The following DACH2 variants were observed in gnomAD, a reference collection of about 807,000 sequenced individuals.
DACH2 encodes the protein dachshund homolog 2.
In DACH2, 17 loss-of-function variants were observed where a neutral mutation model predicts 35.8. The ratio of observed to expected loss-of-function variants is 0.48; its 90% CI spans 0.33 to 0.71. The LOEUF (loss-of-function observed/expected upper bound fraction) is 0.71, where lower values mean the gene tolerates loss of function less well. DACH2 is among the 30% of genes least tolerant of loss of function. The pLI is 0.02. For synonymous variants in DACH2, 195 were observed against 177.3 expected (o/e 1.10, Z -0.79); for missense variants, 469 against 472.7 (o/e 0.99, Z 0.07).
At chrX:86,290,774 T>G (rs2034269553) in intron 1 of DACH2, among the ~76,000 whole-genome samples, 1 of 95,995 alleles carries the variant, frequency 1.0e-5, no homozygotes, top group South Asian at 5.8e-4. Context: ...TCTGTTCCAT[T>G]GATCTATATC....
intron 2 of DACH2, among the ~76,000 whole-genome samples, chrX:86,440,626 A>T (rs1231750263): frequency 9.0e-6 from 1 of 111,081 alleles, no homozygotes; most frequent in Non-Finnish European, 1.9e-5. Context: ...CATCTAACAT[A>T]TTTGTTACTA....
rs1469729109 is a variant in DACH2, at chrX:86,560,534, C to G, written c.640+46143C>G. 1.8e-3 allele frequency among the ~76,000 whole-genome samples: 194 copies of G among 106,731 alleles called. 1 individual carries two copies. Among genetic ancestry groups the G allele is most frequent in the African/African-American group, 6.3e-3 (183 of 29,006 alleles). 92.7% of individuals were successfully genotyped at this position (106,731 alleles called of 115,157 possible). On this transcript the variant is annotated intron_variant, in intron 3 of 11. Coordinates refer to ENST00000373125, the MANE Select transcript of DACH2 (RefSeq NM_053281.3). ...CTACAGTAACCAAAACAGCATGGTA[C>G]TGGTACCAAAACAGAGATATAGATC...
At chrX:86,285,811 G>A (rs747544393) in intron 1 of DACH2, among the ~76,000 whole-genome samples, 21 of 111,469 alleles carry the variant, frequency 1.9e-4, no homozygotes, top group Non-Finnish European at 3.2e-4. Flanking sequence ...CCTCTCTTTA[G>A]CTTTAATAAT....
At chrX:86,726,190 C>A (rs929449042) in intron 6 of DACH2, among the ~76,000 whole-genome samples, 4 of 111,421 alleles carry the variant, frequency 3.6e-5, no homozygotes, top group African/African-American at 9.8e-5. Context: ...TACAGCCTGT[C>A]CACATCTTTG....
intron 3 of DACH2, among the ~76,000 whole-genome samples, chrX:86,649,453 T>A (rs2040453367): frequency 9.0e-6 from 1 of 111,072 alleles, no homozygotes; most frequent in Admixed American, 9.6e-5. Flanking sequence ...TTTGTTTAAA[T>A]CATTGCCATC....
intron 4 of DACH2, among the ~76,000 whole-genome samples, chrX:86,677,926 C>G (rs2040839960): frequency 8.9e-6 from 1 of 112,007 alleles, no homozygotes; most frequent in African/African-American, 3.2e-5. Flanking sequence ...TTTATTCAGG[C>G]AGCATTAGAT....
At chrX:86,192,389 A>G (rs1209347107) in intron 1 of DACH2, among the ~76,000 whole-genome samples, 1 of 112,220 alleles carries the variant, frequency 8.9e-6, no homozygotes, top group Non-Finnish European at 1.9e-5. Context: ...TTAATTTTCT[A>G]TTAAATATTA....
At chrX:86,316,849 G>A (rs1374261684) in intron 1 of DACH2, among the ~76,000 whole-genome samples, 1 of 111,375 alleles carries the variant, frequency 9.0e-6, no homozygotes, top group African/African-American at 3.3e-5. Context: ...GCTGGGCACG[G>A]TGCCTCACGC....
At position 86,714,589 on chromosome X, in the gene DACH2, C is replaced by G; in HGVS notation, c.973C>G (p.Pro325Ala). The change falls in exon 6 of 12, where the codon CCA becomes GCA. Residue 325 changes from proline to alanine, a missense_variant. By Grantham distance (27) the Pro-to-Ala change is conservative. Transcript: ENST00000373125. ...TATGATGATGCCTCATCCCCTACTT[C>G]CAGTCAGCTTACCTCCTGCATCAGT... ...PFMMMPHPLL[P>A]VSLPPASVAM... The G allele has an allele frequency of 8.3e-7, 1 of 1,207,742 alleles. No homozygotes were observed. Among genetic ancestry groups the G allele is most frequent in the Non-Finnish European group, 1.1e-6 (1 of 892,671 alleles).
chrX:86,738,566 A>G (rs1489273324), intron 6 of DACH2, among the ~76,000 whole-genome samples: 1 of 111,768 alleles, frequency 8.9e-6, no homozygotes, highest in African/African-American at 3.2e-5. Flanking sequence ...TCACCCAGTC[A>G]CATTTATTGC....
intron 3 of DACH2, among the ~76,000 whole-genome samples, chrX:86,553,250 T>C (rs756446549): frequency 4.1e-4 from 46 of 111,418 alleles, no homozygotes; most frequent in African/African-American, 1.5e-3. Flanking sequence ...GCTGAAGAAC[T>C]TGGAGTCTGA....
chrX:86,740,253 A>G (rs2147260235), intron 7 of DACH2, among the ~76,000 whole-genome samples: 1 of 111,418 alleles, frequency 9.0e-6, no homozygotes, highest in East Asian at 2.8e-4. Flanking sequence ...AAGAGTGATT[A>G]AAAAGTGAAT....
At chrX:86,337,586 T>A (rs1275959945) in intron 1 of DACH2, among the ~76,000 whole-genome samples, 5 of 112,140 alleles carry the variant, frequency 4.5e-5, no homozygotes, top group African/African-American at 1.6e-4. Flanking sequence ...AAGGAACAAC[T>A]GGCAACAGCC....
intron 3 of DACH2, among the ~76,000 whole-genome samples, chrX:86,592,963 C>G (rs1457333250): frequency 9.0e-6 from 1 of 111,571 alleles, no homozygotes; most frequent in Non-Finnish European, 1.9e-5. Flanking sequence ...ACAAACAAAG[C>G]CAGTTTTATT....
chrX:86,501,710 T>C (rs2038251419), intron 2 of DACH2, among the ~76,000 whole-genome samples: 1 of 111,582 alleles, frequency 9.0e-6, no homozygotes, highest in Admixed American at 9.5e-5. Flanking sequence ...TTCATCTAAA[T>C]AGAAAACTAA....
chrX:86,379,437 T>C (rs1440959486), intron 2 of DACH2, among the ~76,000 whole-genome samples: 1 of 108,825 alleles, frequency 9.2e-6, no homozygotes, highest in Admixed American at 9.9e-5. Flanking sequence ...CTTTCATCAC[T>C]GGCAATCCAA....
At chrX:86,203,261 T>C (rs1333563466) in intron 1 of DACH2, among the ~76,000 whole-genome samples, 1 of 111,538 alleles carries the variant, frequency 9.0e-6, no homozygotes, top group African/African-American at 3.3e-5. Context: ...TTATAGTAAC[T>C]TTAATTAGAA....
chrX:86,487,030 A>G (rs1317347935), intron 2 of DACH2, among the ~76,000 whole-genome samples: 1 of 111,693 alleles, frequency 9.0e-6, no homozygotes, highest in Non-Finnish European at 1.9e-5. Context: ...GTGTGAGACT[A>G]AGTTTTGTAA....
At chrX:86,720,087 G>A (rs1464217155) in intron 6 of DACH2, among the ~76,000 whole-genome samples, 10 of 107,219 alleles carry the variant, frequency 9.3e-5, no homozygotes, top group African/African-American at 2.7e-4. Context: ...ATAGGCCCCC[G>A]CCACCATGCC....
Sources: gnomAD v4.1 joint callset for allele counts (sites outside exome capture counted in the v4.1 genomes callset) on GRCh38, gnomAD v4.1.1 for gene constraint, MANE v1.5 for transcripts, NCBI Gene and HGNC (gene_info 2026-07-23, HGNC 2026-07-21) for gene names.